LRP1B: variants seen among roughly 807,000 people sequenced by gnomAD.
LRP1B encodes low-density lipoprotein receptor-related protein 1B.
Under a neutral mutation model 556.6 loss-of-function variants are expected in LRP1B, and 217 were observed. The observed-to-expected ratio is 0.39, with a 90% CI of 0.35 to 0.44. The LOEUF (loss-of-function observed/expected upper bound fraction) is 0.44. Ranked by LOEUF, LRP1B falls within the 20% of genes least tolerant of loss-of-function variation. The pLI, the probability that LRP1B is intolerant of heterozygous loss-of-function variation, is 1.00. For missense variants in LRP1B, 5,053 were observed against 5,620.8 expected, an observed-to-expected ratio of 0.90 and a Z score of 3.23; for synonymous variants, 2,047 against 1,865.8, an observed-to-expected ratio of 1.10 and a Z score of -2.50.
At position 140,312,634 on chromosome 2, in the gene LRP1B, G is replaced by T. The variant is rs115380850; in HGVS notation, c.12805+2301C>A. On this transcript the variant is annotated intron_variant, in intron 83 of 90. Transcript: ENST00000389484. ...TCTGATTTCAATTATTTTGTCAAAA[G>T]CAAATTTCATCTTAAATCTATCCTC... 4.6e-3 allele frequency among the ~76,000 whole-genome samples: 701 copies of T among 151,878 alleles called. 3 individuals carry two copies. The highest frequency in any genetic ancestry group is 7.5e-3 in the Non-Finnish European group (510 of 67,810).
chr2:140,404,435 G>A (rs541803151), intron 66 of LRP1B, among the ~76,000 whole-genome samples: 2 of 152,024 alleles, frequency 1.3e-5, no homozygotes, highest in Non-Finnish European at 2.9e-5. Flanking sequence ...GCCTCCCAAT[G>A]TGCTGGGATT....
chr2:140,968,151 G>A (rs7421310), intron 18 of LRP1B, among the ~76,000 whole-genome samples: 106,226 of 150,946 alleles, frequency 0.7, 38,452 homozygotes, highest in Non-Finnish European at 0.78. Context: ...CTGTGAATCC[G>A]TCTGGTCCTG....
chr2:140,800,165 G>A (rs1295666145), intron 32 of LRP1B, among the ~76,000 whole-genome samples: 5 of 152,000 alleles, frequency 3.3e-5, no homozygotes, highest in South Asian at 2.1e-4. Flanking sequence ...ACCAAACACC[G>A]CATGTTCTCA....
intron 2 of LRP1B, among the ~76,000 whole-genome samples, chr2:141,588,187 C>A (rs1687207581): frequency 6.6e-6 from 1 of 152,004 alleles, no homozygotes; most frequent in Admixed American, 6.6e-5. Flanking sequence ...TCCACAATAT[C>A]TCAAGGAACA....
chr2:140,410,535 G>T (rs1031036038), intron 66 of LRP1B, among the ~76,000 whole-genome samples: 2 of 151,910 alleles, frequency 1.3e-5, no homozygotes, highest in Admixed American at 1.3e-4. Flanking sequence ...GAGACAGCAC[G>T]CTATGAAAGA....
At chr2:141,223,606 G>T (rs1683127697) in intron 6 of LRP1B, among the ~76,000 whole-genome samples, 1 of 152,102 alleles carries the variant, frequency 6.6e-6, no homozygotes, top group Non-Finnish European at 1.5e-5. Flanking sequence ...AAAGCTGGAG[G>T]CATCACACTA....
At chr2:140,876,076 G>A (rs796358397) in intron 25 of LRP1B, among the ~76,000 whole-genome samples, 4 of 151,324 alleles carry the variant, frequency 2.6e-5, no homozygotes, top group African/African-American at 9.7e-5. Flanking sequence ...TAACTTTGGA[G>A]GTTGCGATAT....
intron 3 of LRP1B, among the ~76,000 whole-genome samples, chr2:141,404,123 T>C (rs950901923): frequency 7.2e-5 from 11 of 152,166 alleles, no homozygotes; most frequent in African/African-American, 2.7e-4. Context: ...ATATGGTAAA[T>C]TACTTGTTAA....
chr2:142,108,269 G>A (rs868283999), intron 1 of LRP1B, among the ~76,000 whole-genome samples: 10 of 151,948 alleles, frequency 6.6e-5, no homozygotes, highest in Non-Finnish European at 8.8e-5. Context: ...GAGCTCTACC[G>A]TTATGCTAAA....
intron 2 of LRP1B, among the ~76,000 whole-genome samples, chr2:141,614,804 T>C (rs918988311): frequency 2.6e-5 from 4 of 152,218 alleles, no homozygotes; most frequent in Admixed American, 1.3e-4. Flanking sequence ...CCTCCAGAAC[T>C]GTGAGAGAAT....
intron 1 of LRP1B, among the ~76,000 whole-genome samples, chr2:142,082,557 G>C (rs940677703): frequency 6.6e-6 from 1 of 152,186 alleles, no homozygotes; most frequent in Non-Finnish European, 1.5e-5. Context: ...CTGCTGACTC[G>C]TGTCCCAGGT....
chr2:140,482,542 C>G (rs944895447), intron 59 of LRP1B, among the ~76,000 whole-genome samples: 1 of 151,896 alleles, frequency 6.6e-6, no homozygotes, highest in Non-Finnish European at 1.5e-5. Flanking sequence ...CCACACTACA[C>G]AAAATAACAA....
chr2:141,489,013 A>T (rs1683229402), intron 2 of LRP1B, among the ~76,000 whole-genome samples: 1 of 140,862 alleles, frequency 7.1e-6, no homozygotes, highest in South Asian at 2.2e-4. Flanking sequence ...GTCTTGTTCT[A>T]TTGCCCAGGC....
chr2:141,388,996 T>C (rs1322190896), intron 3 of LRP1B, among the ~76,000 whole-genome samples: 2 of 152,142 alleles, frequency 1.3e-5, no homozygotes, highest in Non-Finnish European at 2.9e-5. Flanking sequence ...ATGTAAGACC[T>C]AAATAAATGG....
chr2:141,765,285 A>G (rs1331590361), intron 2 of LRP1B, among the ~76,000 whole-genome samples: 1 of 152,232 alleles, frequency 6.6e-6, no homozygotes, highest in Non-Finnish European at 1.5e-5. Context: ...TTTAAAAACA[A>G]TAGAGCTAAA....
At chr2:140,322,279 T>C (rs541974844) in intron 81 of LRP1B, among the ~76,000 whole-genome samples, 191 bp from the exon 82 acceptor site, 5 of 152,206 alleles carry the variant, frequency 3.3e-5, no homozygotes, top group African/African-American at 1.2e-4. Flanking sequence ...TACCCAATGC[T>C]CATCATTAAT....
At chr2:141,524,954 AC>A (rs1475460924) in intron 2 of LRP1B, among the ~76,000 whole-genome samples, 2 of 152,272 alleles carry the variant, frequency 1.3e-5, no homozygotes, top group Non-Finnish European at 2.9e-5. Flanking sequence ...AGATGTTTGC[AC>A]CATGTCTTAT....
At chr2:140,303,928 T>C (rs1378036758) in intron 83 of LRP1B, among the ~76,000 whole-genome samples, 1 of 152,050 alleles carries the variant, frequency 6.6e-6, no homozygotes, top group Non-Finnish European at 1.5e-5. Context: ...TTTGTTCTTG[T>C]GATAGTTTGC....
chr2:140,309,932 T>TTTTATTACTACATAATCC (rs1684226365), intron 83 of LRP1B, among the ~76,000 whole-genome samples: 1 of 151,812 alleles, frequency 6.6e-6, no homozygotes, highest in Non-Finnish European at 1.5e-5. Context: ...ATTTTGTTTT[T>TTTTATTACTACATAATCC]TTATTACTAC....
Sources: allele counts gnomAD v4.1 joint callset (sites outside exome capture counted in the v4.1 genomes callset), GRCh38; gene constraint gnomAD v4.1.1; transcripts MANE v1.5; gene names NCBI Gene and HGNC (gene_info 2026-07-23, HGNC 2026-07-21).